The following LPP variants were observed in gnomAD, a reference collection of about 807,000 sequenced individuals.
The protein encoded by LPP is LIM domain containing preferred translocation partner in lipoma.
Under a neutral mutation model 60.4 loss-of-function variants are expected in LPP, and 38 were observed. The observed-to-expected ratio is 0.63, with a 90% CI of 0.49 to 0.83. The LOEUF (loss-of-function observed/expected upper bound fraction) is 0.83. Among genes scored for constraint, LPP ranks in the 40% least tolerant of loss-of-function variants. The pLI, the probability that LPP is intolerant of heterozygous loss-of-function variation, is 0.00. For missense variants in LPP, 902 were observed against 783.6 expected (o/e 1.15, Z -1.80); for synonymous variants, 328 against 290.8 (o/e 1.13, Z -1.30).
chr3:188,739,497 TAGA>T (rs1409943176), intron 8 of LPP, among the ~76,000 whole-genome samples: 1 of 152,122 alleles, frequency 6.6e-6, no homozygotes, highest in East Asian at 1.9e-4. Context: ...TGCTGCTTCT[TAGA>T]AGATGTATAA....
At chr3:188,662,394 A>T (rs573069474) in intron 7 of LPP, among the ~76,000 whole-genome samples, 4 of 152,310 alleles carry the variant, frequency 2.6e-5, no homozygotes, top group Admixed American at 1.3e-4. Flanking sequence ...ACTTTGCTGC[A>T]TCTCAGTTCT....
intron 4 of LPP, among the ~76,000 whole-genome samples, chr3:188,441,622 T>C (rs1375171328): frequency 7.6e-5 from 8 of 104,986 alleles, no homozygotes; most frequent in Admixed American, 6.3e-4. Flanking sequence ...TTTTTTTTTT[T>C]TTTTTTTTTT....
intron 9 of LPP, among the ~76,000 whole-genome samples, chr3:188,864,612 G>A (rs1766122913): frequency 1.3e-5 from 2 of 152,320 alleles, no homozygotes; most frequent in South Asian, 2.1e-4. Context: ...GCTTCACTGG[G>A]GAATGGCCTT....
rs79460045 is a variant in LPP, at chr3:188,495,184, A to T, written c.306+10480A>T. ...TATTTATATATATTTATAAATATATAATATATATATTTATAAATATATATA... is the reference window on the plus strand; with the variant it reads ...TATTTATATATATTTATAAATATATTATATATATATTTATAAATATATATA... On this transcript the variant is annotated intron_variant, in intron 5 of 11. Transcript: ENST00000617246. Among the ~76,000 whole-genome samples, 3 of 5,834 alleles carry T rather than the reference A, an allele frequency of 5.1e-4. No individual in the cohort carries two copies. The East Asian group carries it at 0.068, about 133-fold the overall frequency. The allele number at this position is 5,834 out of a possible 152,430, so 3.8% of individuals were successfully genotyped here.
intron 2 of LPP, among the ~76,000 whole-genome samples, chr3:188,304,696 T>G (rs533799624): frequency 6.6e-6 from 1 of 152,344 alleles, no homozygotes; most frequent in South Asian, 2.1e-4. Flanking sequence ...ATTGTAGACT[T>G]GAAATATCTT....
At chr3:188,177,257 TCCCCCTGTGCCAGTAGACAGA>T (rs1168152428) in intron 1 of LPP, among the ~76,000 whole-genome samples, 1 of 151,934 alleles carries the variant, frequency 6.6e-6, no homozygotes, top group Non-Finnish European at 1.5e-5. Flanking sequence ...CATGGCAGGG[TCCCCCTGTGCCAGTAGACAGA>T]CCCAGGCCTG....
rs1769797712 is a variant in LPP, at chr3:188,880,267, G to A, written c.*5788G>A. ...AGGATGGCCTCGATCTCCTGACCTC[G>A]TGATCCACCCGCCTCGGCCTCCCAA... is the stretch of plus-strand genomic sequence containing the variant. On this transcript the variant is annotated 3_prime_UTR_variant, in exon 12 of 12. Coordinates refer to ENST00000617246, the MANE Select transcript of LPP (RefSeq NM_001375462.1). 2 of 166,454 alleles carry A rather than the reference G, an allele frequency of 1.2e-5. No homozygotes were observed. Among genetic ancestry groups the A allele is most frequent in the South Asian group, 2.0e-4 (1 of 4,952 alleles). 10.3% of individuals were successfully genotyped at this position (166,454 alleles called of 1,614,324 possible).
intron 2 of LPP, among the ~76,000 whole-genome samples, chr3:188,279,585 G>A (rs1433594663): frequency 6.6e-6 from 1 of 152,210 alleles, no homozygotes; most frequent in African/African-American, 2.4e-5. Context: ...ATAAAAGTAA[G>A]ATAGCGAGTG....
chr3:188,324,032 A>ATTGTTGTTG (rs147496303), intron 2 of LPP, among the ~76,000 whole-genome samples: 2 of 152,112 alleles, frequency 1.3e-5, no homozygotes, highest in Middle Eastern at 3.4e-3. Flanking sequence ...AATGATTGGT[A>ATTGTTGTTG]TTGTTGTTGT....
At chr3:188,462,590 G>GTGTA (rs1799363407) in intron 4 of LPP, among the ~76,000 whole-genome samples, 1 of 4,776 alleles carries the variant, frequency 2.1e-4, no homozygotes, top group Non-Finnish European at 3.6e-4. Flanking sequence ...ATATATGCAT[G>GTGTA]TGTGTGTGTG....
rs1207258690 is a variant in LPP, at chr3:188,665,928, C to A, written c.1114-42339C>A. ...CATTTAGTATATAATTTTATCTTAGCCTGTGCTTTATCTGGCAGGATCTGA... is the reference window on the plus strand; with the variant it reads ...CATTTAGTATATAATTTTATCTTAGACTGTGCTTTATCTGGCAGGATCTGA... On this transcript the variant is annotated intron_variant, in intron 7 of 11. Transcript: ENST00000617246. Among the ~76,000 whole-genome samples the A allele has an allele frequency of 2.6e-5, 4 of 152,292 alleles. No homozygotes were observed. The East Asian group carries it at 7.7e-4, about 29-fold the overall frequency.
chr3:188,388,357 A>C (rs1778865872), intron 3 of LPP, among the ~76,000 whole-genome samples: 1 of 152,216 alleles, frequency 6.6e-6, no homozygotes, highest in South Asian at 2.1e-4. Flanking sequence ...TAACCAAAAA[A>C]TTCTAAATTG....
intron 4 of LPP, among the ~76,000 whole-genome samples, chr3:188,442,481 C>A (rs914735692): frequency 6.6e-6 from 1 of 152,170 alleles, no homozygotes; most frequent in African/African-American, 2.4e-5. Context: ...TCATCACTGA[C>A]GTAGCTGCTT....
At chr3:188,425,938 T>A (rs1789200974) in intron 4 of LPP, among the ~76,000 whole-genome samples, 2 of 152,190 alleles carry the variant, frequency 1.3e-5, no homozygotes, top group Non-Finnish European at 2.9e-5. Flanking sequence ...GTTTTTCTCA[T>A]GTCTCTATCT....
rs1769234441 is a variant in LPP, at chr3:188,876,178, A to G, written c.*1699A>G. 1.6e-5 allele frequency: 3 copies of G among 187,346 alleles called. No homozygotes were observed. The East Asian group carries it at 2.6e-4, about 16-fold the overall frequency. The allele number at this position is 187,346 out of a possible 1,614,324, so 11.6% of individuals were successfully genotyped here. ...TTTAACATCAGAACTGAAATAAAAA[A>G]TTATGGATACGTGTTTTGAATTGCA... On this transcript the variant is annotated 3_prime_UTR_variant, in exon 12 of 12. Transcript: ENST00000617246.
chr3:188,495,064 T>TTTTTTATATATATATATA (rs1430620373), intron 5 of LPP, among the ~76,000 whole-genome samples: 1 of 53,876 alleles, frequency 1.9e-5, no homozygotes, highest in Admixed American at 3.0e-4. Flanking sequence ...GTTCAGGATT[T>TTTTTTATATATATATATA]TATATATATA....
At position 188,398,302 on chromosome 3, in the gene LPP, T is replaced by C. The variant is rs545932453; in HGVS notation, c.-9-7810T>C. The stretch of plus-strand genomic sequence containing the variant: ...GTACAGATAGGAAGGGTCACTGAGG[T>C]TCAAAGAGGTTAAGAACGAAAGTCA... On this transcript the variant is annotated intron_variant, in intron 3 of 11. Coordinates refer to ENST00000617246, the MANE Select transcript of LPP (RefSeq NM_001375462.1). Among the ~76,000 whole-genome samples, 18 of 152,282 alleles carry C rather than the reference T, an allele frequency of 1.2e-4. 3 individuals carry two copies. The highest frequency in any genetic ancestry group is 1.0e-3 in the South Asian group (5 of 4,818).
intron 9 of LPP, among the ~76,000 whole-genome samples, chr3:188,812,418 T>C (rs184140808): frequency 6.6e-6 from 1 of 152,288 alleles, no homozygotes; most frequent in East Asian, 1.9e-4. Flanking sequence ...TTTTACCCAA[T>C]GTTTTAATGA....
chr3:188,781,679 C>G (rs574930863), intron 9 of LPP, among the ~76,000 whole-genome samples: 2 of 150,960 alleles, frequency 1.3e-5, no homozygotes, highest in Admixed American at 6.6e-5. Context: ...GTCAGGAGAT[C>G]GAGATCATCC....
Sources: allele counts gnomAD v4.1 joint callset (sites outside exome capture counted in the v4.1 genomes callset), GRCh38; gene constraint gnomAD v4.1.1; transcripts MANE v1.5; gene names NCBI Gene and HGNC (gene_info 2026-07-23, HGNC 2026-07-21).